PRIM2: variants seen among roughly 807,000 people sequenced by gnomAD.
PRIM2 encodes DNA primase large subunit.
In PRIM2, 39 loss-of-function variants were observed where a neutral mutation model predicts 67.3. That is an observed-to-expected ratio of 0.58 (90% CI 0.45 to 0.76). PRIM2 has a LOEUF of 0.76. PRIM2 is among the 30% of genes least tolerant of loss of function. The pLI, the probability that PRIM2 is intolerant of heterozygous loss-of-function variation, is 0.00. For synonymous variants in PRIM2, 143 were observed against 198.7 expected (o/e 0.72, Z 2.36); for missense variants, 398 against 598.7 (o/e 0.66, Z 3.50).
the PRIM2 span, among the ~76,000 whole-genome samples, chr6:57,300,400 T>C: frequency 6.6e-6 from 1 of 152,150 alleles, no homozygotes; most frequent in East Asian, 1.9e-4. Context: ...GCAAGGATAC[T>C]TGCTGTTCAT....
the PRIM2 span, among the ~76,000 whole-genome samples, chr6:57,263,785 C>A: frequency 6.6e-6 from 1 of 152,226 alleles, no homozygotes; most frequent in Admixed American, 6.5e-5. Context: ...TTTTATCTCC[C>A]CCTACAACAC....
intron 7 of PRIM2, among the ~76,000 whole-genome samples, chr6:57,426,803 A>G (rs1771646170): frequency 2.0e-5 from 3 of 152,176 alleles, no homozygotes; most frequent in African/African-American, 7.2e-5. Context: ...TTGTTCTTCT[A>G]CCTGAGGTTT....
chr6:57,617,709 T>C (rs1303292505), intron 12 of PRIM2, among the ~76,000 whole-genome samples: 18 of 152,202 alleles, frequency 1.2e-4, no homozygotes, highest in African/African-American at 4.3e-4. Context: ...TAGGTTTTCT[T>C]GTCAACAACT....
chr6:57,237,694 T>C, the PRIM2 span, among the ~76,000 whole-genome samples: 1 of 152,212 alleles, frequency 6.6e-6, no homozygotes, highest in African/African-American at 2.4e-5. Context: ...ATTTCTTGTT[T>C]TTCTCAGGTT....
At chr6:57,346,100 T>C (rs1372393011) in intron 5 of PRIM2, among the ~76,000 whole-genome samples, 3 of 152,156 alleles carry the variant, frequency 2.0e-5, no homozygotes, top group Non-Finnish European at 4.4e-5. Context: ...GCAGGGTCTT[T>C]AGGACCTTTT....
At chr6:57,408,999 AT>A in intron 7 of PRIM2, among the ~76,000 whole-genome samples, 1 of 151,842 alleles carries the variant, frequency 6.6e-6, no homozygotes, top group Middle Eastern at 3.4e-3. Context: ...CTATTCTTTT[AT>A]TTTTTTAATT....
chr6:57,473,900 T>G (rs1412497462), intron 7 of PRIM2, among the ~76,000 whole-genome samples: 5 of 152,226 alleles, frequency 3.3e-5, no homozygotes, highest in Admixed American at 6.5e-5. Flanking sequence ...TTGTTTGTTT[T>G]TTTTTCTCTG....
intron 5 of PRIM2, among the ~76,000 whole-genome samples, chr6:57,342,197 A>C (rs1267081840): frequency 6.6e-6 from 1 of 152,156 alleles, no homozygotes; most frequent in Non-Finnish European, 1.5e-5. Flanking sequence ...AATCCTTATC[A>C]TGTAGTATAG....
chr6:57,538,843 T>C (rs1775073374), intron 10 of PRIM2, among the ~76,000 whole-genome samples: 1 of 152,142 alleles, frequency 6.6e-6, no homozygotes, highest in Admixed American at 6.6e-5. Flanking sequence ...TTCCTTTTCT[T>C]ATAAATACAC....
intron 8 of PRIM2, among the ~76,000 whole-genome samples, chr6:57,516,027 T>A (rs1258401070): frequency 1.6e-3 from 240 of 151,688 alleles, no homozygotes; most frequent in Non-Finnish European, 2.8e-3. Flanking sequence ...TTTCCATGAT[T>A]TCCTAGAGGC....
At chr6:57,571,921 A>G (rs1202801405) in intron 10 of PRIM2, among the ~76,000 whole-genome samples, 29 of 152,204 alleles carry the variant, frequency 1.9e-4, no homozygotes, top group Non-Finnish European at 3.4e-4. Context: ...TGTAAAATCC[A>G]TGAGAGGAAC....
intron 5 of PRIM2, among the ~76,000 whole-genome samples, chr6:57,377,281 A>G (rs1769800079): frequency 6.6e-6 from 1 of 152,198 alleles, no homozygotes; most frequent in South Asian, 2.1e-4. Flanking sequence ...TAAGTATACT[A>G]AATCATATAA....
At chr6:57,366,133 A>T (rs1239064179) in intron 5 of PRIM2, among the ~76,000 whole-genome samples, 3 of 152,144 alleles carry the variant, frequency 2.0e-5, no homozygotes, top group Non-Finnish European at 4.4e-5. Context: ...GGGAGTAACT[A>T]TGCCTAAGGA....
chr6:57,359,679 A>G (rs1274424077), intron 5 of PRIM2, among the ~76,000 whole-genome samples: 1 of 152,234 alleles, frequency 6.6e-6, no homozygotes, highest in Non-Finnish European at 1.5e-5. Context: ...ATACCTCAAA[A>G]CAACTGTACT....
intron 9 of PRIM2, among the ~76,000 whole-genome samples, chr6:57,532,766 G>C (rs1160797575): frequency 4.4e-4 from 67 of 152,220 alleles, no homozygotes; most frequent in African/African-American, 1.5e-3. Context: ...CATTTAAATA[G>C]TGTATACATT....
chr6:57,261,798 C>A, the PRIM2 span, among the ~76,000 whole-genome samples: 3 of 152,288 alleles, frequency 2.0e-5, no homozygotes, highest in Middle Eastern at 0.01. Flanking sequence ...AGGCTCCCTC[C>A]ACCATTATAG....
At chr6:57,457,105 T>C (rs1471421119) in intron 7 of PRIM2, among the ~76,000 whole-genome samples, 1 of 151,910 alleles carries the variant, frequency 6.6e-6, no homozygotes, top group Non-Finnish European at 1.5e-5. Context: ...GAACAGCAGA[T>C]ATTGGTGAGC....
intron 7 of PRIM2, among the ~76,000 whole-genome samples, chr6:57,504,947 T>G (rs1259575008): frequency 6.6e-6 from 1 of 152,242 alleles, no homozygotes; most frequent in Non-Finnish European, 1.5e-5. Flanking sequence ...AATTACATAC[T>G]TGCTAAACTA....
intron 7 of PRIM2, among the ~76,000 whole-genome samples, chr6:57,385,833 C>T (rs982478371): frequency 6.6e-6 from 1 of 152,096 alleles, no homozygotes. Flanking sequence ...ATGTTCTTTT[C>T]ATTGCATTCT....
Sources: gnomAD v4.1 joint callset for allele counts (sites outside exome capture counted in the v4.1 genomes callset) on GRCh38, gnomAD v4.1.1 for gene constraint, MANE v1.5 for transcripts, NCBI Gene and HGNC (gene_info 2026-07-23, HGNC 2026-07-21) for gene names.